The following EP300 variants were observed in gnomAD, a reference collection of about 807,000 sequenced individuals.
The protein encoded by EP300 is EP300 lysine acetyltransferase, also known as histone acetyltransferase p300.
Under a neutral mutation model 264.0 loss-of-function variants are expected in EP300, and 31 were observed. The observed-to-expected ratio is 0.12, with a 90% CI of 0.09 to 0.16. The LOEUF is 0.16. Ranked by LOEUF, EP300 falls within the 10% of genes least tolerant of loss-of-function variation. The pLI is 1.00. For synonymous variants in EP300, 1,340 were observed against 1,045.4 expected (o/e 1.28, Z -5.44); for missense variants, 2,766 against 3,052.9 (o/e 0.91, Z 2.21).
Position 41,177,945 on chromosome 22 carries a change from C to G in EP300, c.6234C>G (p.Pro2078=). 1 of 1,614,176 alleles carries G rather than the reference C, an allele frequency of 6.2e-7. No homozygotes were observed. Among genetic ancestry groups the G allele is most frequent in the Non-Finnish European group, 8.5e-7 (1 of 1,180,016 alleles). Residue 2078 remains proline (P), a synonymous_variant, in exon 31 of 31, where the codon CCC becomes CCG. Transcript: ENST00000263253. Reference sequence around the variant, plus strand: ...TGCTTAGTATCCTTCACGCCAACCCCCAGCTGTTGGCTGCATTCATCAAGC... The same window carrying G: ...TGCTTAGTATCCTTCACGCCAACCCGCAGCTGTTGGCTGCATTCATCAAGC... ...QQVLSILHAN[P]QLLAAFIKQR...
At chr22:41,128,115 A>G (rs1450107477) in intron 4 of EP300, among the ~76,000 whole-genome samples, 2 of 152,120 alleles carry the variant, frequency 1.3e-5, no homozygotes, top group Non-Finnish European at 2.9e-5. Context: ...GCAGGGGGCT[A>G]TGATTGCGCC....
chr22:41,163,905 T>C, intron 21 of EP300, 148 bp from the exon 22 acceptor site: 1 of 767,346 alleles, frequency 1.3e-6, no homozygotes, highest in African/African-American at 1.7e-5. Context: ...AGAGACCCTA[T>C]CTCTAAAAAA....
In EP300 at chr22:41,125,161, C is replaced by T. The variant is rs1376767876; in HGVS notation, c.730-703C>T. On this transcript the variant is annotated intron_variant, in intron 2 of 30. Coordinates refer to ENST00000263253, the MANE Select transcript of EP300 (RefSeq NM_001429.4). ...TGAGATGGAGTCTCACTCTGTCGCC[C>T]AGGCTGGAGTGCAGCGGCGTGATCT... Among the ~76,000 whole-genome samples, 6 of 145,284 alleles carry T rather than the reference C, an allele frequency of 4.1e-5. No individual in the cohort carries two copies. In the South Asian group the frequency reaches 1.3e-3, roughly 33 times the overall value.
At chr22:41,135,565 C>CTT (rs201001777) in intron 6 of EP300, among the ~76,000 whole-genome samples, 1 of 142,852 alleles carries the variant, frequency 7.0e-6, no homozygotes, top group Non-Finnish European at 1.5e-5. Flanking sequence ...GTCACATTTG[C>CTT]TTTTTTTTTT....
Position 41,100,041 on chromosome 22 carries a change from A to AC in EP300, c.94+6949dup, listed in dbSNP as rs756983911. On this transcript the variant is annotated intron_variant, in intron 1 of 30. Coordinates refer to ENST00000263253, the MANE Select transcript of EP300 (RefSeq NM_001429.4). ...AGACCAGCCTGGGCAATGTAGTGGGACCCCCCATCCCCCCACCATCTCTAG... is the reference window on the plus strand; with the variant it reads ...AGACCAGCCTGGGCAATGTAGTGGGACCCCCCCATCCCCCCACCATCTCTAG... 2.5e-4 allele frequency among the ~76,000 whole-genome samples: 38 copies of AC among 151,888 alleles called. No individual in the cohort carries two copies. The South Asian group carries it at 3.3e-3, about 13-fold the overall frequency.
rs775333441 is a variant in EP300 at position 41,117,528 on chromosome 22, G to A, written c.436G>A (p.Gly146Ser). ...MGMGTSGPNQGPTQSTGMMNS... is the reference protein window; with the variant it reads ...MGMGTSGPNQSPTQSTGMMNS... ...GATGGGCACTAGTGGACCAAATCAG[G>A]GTCCTACGCAGTCAACAGGTATGAT... is the stretch of plus-strand genomic sequence containing the variant. Residue 146 changes from glycine (G) to serine (S), a missense_variant, in exon 2 of 31, where the codon GGT (glycine) becomes AGT (serine). Transcript: ENST00000263253. The A allele has an allele frequency of 2.5e-6, 4 of 1,613,922 alleles. No individual in the cohort carries two copies. The highest frequency in any genetic ancestry group is 3.4e-6 in the Non-Finnish European group (4 of 1,179,904).
intron 1 of EP300, among the ~76,000 whole-genome samples, chr22:41,099,000 A>G (rs1474026605): frequency 6.6e-6 from 1 of 152,164 alleles, no homozygotes; most frequent in Non-Finnish European, 1.5e-5. Context: ...GTTCATTGTT[A>G]ACTGTTTTTA....
Position 41,141,035 on chromosome 22 carries a change from A to C in EP300, c.1879-13A>C, listed in dbSNP as rs748179199. ...TTCCTCATCTCCCTTATTTTACTTC[A>C]ACAATTCAAAAGGCGGAATACTACC... On this transcript the variant is annotated splice_polypyrimidine_tract_variant and intron_variant, in intron 9 of 30. Transcript: ENST00000263253. 1 of 1,613,074 alleles carries C rather than the reference A, an allele frequency of 6.2e-7. No homozygotes were observed. The highest frequency in any genetic ancestry group is 2.2e-5 in the East Asian group (1 of 44,846).
intron 17 of EP300, 24 bp downstream of exon 17, chr22:41,155,137 AT>A (rs771511646): frequency 1.9e-5 from 29 of 1,501,086 alleles, no homozygotes; most frequent in Non-Finnish European, 2.5e-5. Context: ...GGTACTTTTG[AT>A]TTTATTTTTT....
chr22:41,158,744 G>A, intron 19 of EP300: 1 of 500,438 alleles, frequency 2.0e-6, no homozygotes, highest in East Asian at 3.6e-5. Flanking sequence ...AACTTTGTGA[G>A]TTGTTGGCCT....
Position 41,147,833 on chromosome 22 carries a change from A to G in EP300, c.2132-4A>G. 6.2e-7 allele frequency: 1 copy of G among 1,607,732 alleles called. No homozygotes were observed. The highest frequency in any genetic ancestry group is 8.5e-7 in the Non-Finnish European group (1 of 1,174,316). On this transcript the variant is annotated splice_polypyrimidine_tract_variant and splice_region_variant and intron_variant, in intron 11 of 30. Transcript: ENST00000263253. ...CAGATCTAACATTTTGCTCATATTC[A>G]CAGGTTTGAATCAATTTGGCCAGAT...
intron 4 of EP300, among the ~76,000 whole-genome samples, chr22:41,129,465 T>C (rs936789770): frequency 3.3e-5 from 5 of 152,242 alleles, no homozygotes; most frequent in African/African-American, 9.6e-5. Context: ...CTAACTGTCA[T>C]GTAGGCAAGT....
chr22:41,176,214 T>C (rs2145511817), intron 29 of EP300, 33 bp from the exon 30 acceptor site: 1 of 1,613,532 alleles, frequency 6.2e-7, no homozygotes, highest in Non-Finnish European at 8.5e-7. Flanking sequence ...AGCGAGGCCC[T>C]GTCTCAAAAA....
chr22:41,095,007 A>C (rs1253876269), intron 1 of EP300, among the ~76,000 whole-genome samples: 1 of 152,130 alleles, frequency 6.6e-6, no homozygotes, highest in African/African-American at 2.4e-5. Flanking sequence ...CTCAACATTG[A>C]GATTAATTCA....
intron 2 of EP300, among the ~76,000 whole-genome samples, chr22:41,118,856 T>G (rs1049929592): frequency 2.6e-5 from 4 of 151,694 alleles, no homozygotes; most frequent in African/African-American, 9.7e-5. Context: ...TGAAGACAGA[T>G]GGACAAACTT....
intron 3 of EP300, among the ~76,000 whole-genome samples, chr22:41,126,826 C>T (rs2058885708): frequency 7.4e-6 from 1 of 135,850 alleles, no homozygotes; most frequent in South Asian, 2.5e-4. Context: ...CTCACTGCAA[C>T]TTCTCCCTCC....
chr22:41,160,419 C>CAAAAAAAAAAAAAAAAAAAAAA, intron 19 of EP300: 2 of 377,084 alleles, frequency 5.3e-6, no homozygotes, highest in Non-Finnish European at 4.8e-6. Flanking sequence ...GCTTTGATTG[C>CAAAAAAAAAAAAAAAAAAAAAA]AAAAAAAAAA....
chr22:41,146,840 T>A (rs1460854760), intron 11 of EP300, 24 bp downstream of exon 11: 1 of 1,603,630 alleles, frequency 6.2e-7, no homozygotes, highest in South Asian at 1.1e-5. Context: ...AAAATTTTTT[T>A]ATTTTAAAAG....
intron 2 of EP300, 30 bp from the exon 3 acceptor site, chr22:41,125,834 A>G (rs376645413): frequency 1.2e-6 from 2 of 1,605,920 alleles, no homozygotes; most frequent in African/African-American, 2.7e-5. Flanking sequence ...TTTATTGCTT[A>G]TTTTGTTTTC....
Sources: gnomAD v4.1 joint callset for allele counts (sites outside exome capture counted in the v4.1 genomes callset) on GRCh38, gnomAD v4.1.1 for gene constraint, MANE v1.5 for transcripts, NCBI Gene and HGNC (gene_info 2026-07-23, HGNC 2026-07-21) for gene names.